CNNM2: variants seen among roughly 807,000 people sequenced by gnomAD.
CNNM2 encodes metal transporter CNNM2.
CNNM2 carries 12 observed loss-of-function variants against 66.9 expected under a neutral mutation model. That is an observed-to-expected ratio of 0.18 (90% CI 0.11 to 0.29). The LOEUF (loss-of-function observed/expected upper bound fraction) is 0.29. Ranked by LOEUF, CNNM2 falls within the 10% of genes least tolerant of loss-of-function variation. CNNM2 has a pLI of 1.00. For missense variants in CNNM2, 705 were observed against 1,167.7 expected (o/e 0.60, Z 5.77); for synonymous variants, 557 against 501.8 (o/e 1.11, Z -1.47).
intron 1 of CNNM2, among the ~76,000 whole-genome samples, chr10:102,951,575 T>C (rs1475317709): frequency 6.6e-6 from 1 of 152,062 alleles, no homozygotes; most frequent in Non-Finnish European, 1.5e-5. Context: ...CTTGCCAAAC[T>C]GAATCTACCT....
intron 1 of CNNM2, among the ~76,000 whole-genome samples, chr10:102,994,475 G>C (rs1259327105): frequency 6.6e-6 from 1 of 152,194 alleles, no homozygotes; most frequent in Non-Finnish European, 1.5e-5. Context: ...GAACAAAACA[G>C]ACAAAGCTCA....
At chr10:103,011,291 A>G (rs574582949) in intron 1 of CNNM2, among the ~76,000 whole-genome samples, 11 of 152,158 alleles carry the variant, frequency 7.2e-5, no homozygotes, top group African/African-American at 2.2e-4. Context: ...TGTCTCTACT[A>G]AAAATACAAA....
At chr10:102,948,095 A>G (rs1846686419) in intron 1 of CNNM2, among the ~76,000 whole-genome samples, 1 of 152,122 alleles carries the variant, frequency 6.6e-6, no homozygotes. Flanking sequence ...CACACAGGTA[A>G]AAACATTCAT....
At chr10:103,056,997 C>T in intron 4 of CNNM2, 33 bp downstream of exon 4, 1 of 1,585,374 alleles carries the variant, frequency 6.3e-7, no homozygotes, top group Non-Finnish European at 8.6e-7. Flanking sequence ...GGTTTGCTCT[C>T]ACTGAGTATC....
chr10:103,030,561 A>T (rs1458072263), intron 1 of CNNM2, among the ~76,000 whole-genome samples: 1 of 152,100 alleles, frequency 6.6e-6, no homozygotes, highest in Non-Finnish European at 1.5e-5. Context: ...CTAAAAATAC[A>T]AAAAATTAGC....
intron 1 of CNNM2, among the ~76,000 whole-genome samples, chr10:103,000,118 A>C (rs995503976): frequency 5.9e-5 from 9 of 151,894 alleles, no homozygotes; most frequent in African/African-American, 2.2e-4. Context: ...CACCTATAAT[A>C]CCAGCTACTT....
At chr10:103,022,754 AT>A (rs1025933287) in intron 1 of CNNM2, among the ~76,000 whole-genome samples, 1 of 152,160 alleles carries the variant, frequency 6.6e-6, no homozygotes, top group African/African-American at 2.4e-5. Context: ...ATTTTGGCAT[AT>A]GGTTCTGCAG....
chr10:103,089,980 C>T lies in CNNM2; in HGVS notation c.*12800C>T. The T allele has an allele frequency of 2.4e-6, 3 of 1,271,100 alleles. No homozygotes were observed. In the South Asian group the frequency reaches 4.5e-5, roughly 19 times the overall value. 78.7% of individuals were successfully genotyped at this position (1,271,100 alleles called of 1,614,324 possible). On this transcript the variant is annotated 3_prime_UTR_variant, in exon 8 of 8. Coordinates refer to ENST00000369878, the MANE Select transcript of CNNM2 (RefSeq NM_017649.5). ...AGCTACTCCCCAAATCCTAACCCCT[C>T]TCCTCTGTTAGGTGGCCATGCAATT...
At chr10:103,066,401 T>G (rs1273094526) in intron 4 of CNNM2, among the ~76,000 whole-genome samples, 1 of 152,178 alleles carries the variant, frequency 6.6e-6, no homozygotes, top group Non-Finnish European at 1.5e-5. Context: ...CTTCGAATCA[T>G]GCTGGTCCCT....
intron 1 of CNNM2, among the ~76,000 whole-genome samples, chr10:102,933,540 A>G (rs1049923381): frequency 1.3e-5 from 2 of 152,216 alleles, no homozygotes; most frequent in East Asian, 3.8e-4. Flanking sequence ...GCTTTTAAAA[A>G]ACATGAGTTT....
chr10:103,020,249 G>A (rs1007094765), intron 1 of CNNM2, among the ~76,000 whole-genome samples: 1 of 151,686 alleles, frequency 6.6e-6, no homozygotes, highest in Non-Finnish European at 1.5e-5. Context: ...TCCGCCTCCT[G>A]GGTTCAAGCG....
chr10:102,994,770 A>G (rs745480219), intron 1 of CNNM2, among the ~76,000 whole-genome samples: 1 of 152,256 alleles, frequency 6.6e-6, no homozygotes, highest in Non-Finnish European at 1.5e-5. Context: ...TCAACTAATG[A>G]TGCTGCAGAA....
At chr10:102,988,116 T>C (rs1590354608) in intron 1 of CNNM2, among the ~76,000 whole-genome samples, 1 of 152,180 alleles carries the variant, frequency 6.6e-6, no homozygotes, top group East Asian at 1.9e-4. Flanking sequence ...CTCGGTAACC[T>C]GGTGAAACCC....
intron 1 of CNNM2, among the ~76,000 whole-genome samples, chr10:103,022,351 C>CT (rs375304101): frequency 6.6e-6 from 1 of 152,170 alleles, no homozygotes; most frequent in African/African-American, 2.4e-5. Context: ...TCCTATCATA[C>CT]TTTTTTTCCT....
intron 1 of CNNM2, among the ~76,000 whole-genome samples, chr10:102,971,351 G>A (rs1468259872): frequency 2.0e-5 from 3 of 151,692 alleles, no homozygotes; most frequent in African/African-American, 2.4e-5. Context: ...AAGGTATCAC[G>A]TTAACTATTT....
chr10:103,066,639 A>T (rs1564868840), intron 4 of CNNM2, among the ~76,000 whole-genome samples: 1 of 152,184 alleles, frequency 6.6e-6, no homozygotes, highest in Non-Finnish European at 1.5e-5. Flanking sequence ...TCTCTTGGTC[A>T]TCCACAGCTT....
At chr10:102,988,105 C>T (rs1401665978) in intron 1 of CNNM2, among the ~76,000 whole-genome samples, 2 of 152,024 alleles carry the variant, frequency 1.3e-5, no homozygotes, top group East Asian at 3.9e-4. Context: ...TTGAGACCAG[C>T]CTCGGTAACC....
At chr10:103,017,003 AAAAG>A (rs1008195693) in intron 1 of CNNM2, among the ~76,000 whole-genome samples, 8 of 151,844 alleles carry the variant, frequency 5.3e-5, no homozygotes, top group Non-Finnish European at 1.0e-4. Context: ...ACCAGGTTAA[AAAAG>A]GGTGAATCAA....
intron 1 of CNNM2, among the ~76,000 whole-genome samples, chr10:103,043,825 T>C (rs74598527): frequency 6.6e-6 from 1 of 152,144 alleles, no homozygotes; most frequent in African/African-American, 2.4e-5. Context: ...GATTCTGAAT[T>C]TGAGGAGAGA....
Sources: gnomAD v4.1 joint callset for allele counts (sites outside exome capture counted in the v4.1 genomes callset) on GRCh38, gnomAD v4.1.1 for gene constraint, MANE v1.5 for transcripts, NCBI Gene and HGNC (gene_info 2026-07-23, HGNC 2026-07-21) for gene names.